The following VWA5B1 variants were observed in gnomAD, a reference collection of about 807,000 sequenced individuals.
VWA5B1 encodes von Willebrand factor A domain-containing protein 5B1.
In VWA5B1, 115 loss-of-function variants were observed where a neutral mutation model predicts 118.2. The ratio of observed to expected loss-of-function variants is 0.97; its 90% CI spans 0.84 to 1.14. The LOEUF is 1.14. Ranked by LOEUF, VWA5B1 falls within the 50% of genes most tolerant of loss-of-function variation. The probability of loss-of-function intolerance (pLI) is 0.00; values close to 1 mark genes in which losing one functional copy is unlikely to be tolerated. For synonymous variants in VWA5B1, 682 were observed against 658.4 expected (o/e 1.04, Z -0.55); for missense variants, 1,596 against 1,603.8 (o/e 1.00, Z 0.08).
At chr1:20,320,917 G>A (rs1446694651) in intron 7 of VWA5B1, among the ~76,000 whole-genome samples, 3 of 152,120 alleles carry the variant, frequency 2.0e-5, no homozygotes, top group Non-Finnish European at 4.4e-5. Context: ...CTCTGGTGGA[G>A]CGGCTTCACG....
chr1:20,345,535 G>A lies in VWA5B1; in HGVS notation c.2706G>A (p.Val902=), dbSNP rs967277276. 2.6e-6 allele frequency: 4 copies of A among 1,551,106 alleles called. No individual in the cohort carries two copies. The highest frequency in any genetic ancestry group is 2.7e-5 in the African/African-American group (2 of 73,056). The part of the protein sequence containing the change: ...CNIISKYTAF[V]PVDVSKSRYL... ...TCATTAGCAAATACACAGCCTTCGTGCCTGTGGACGTGAGCAAGAGCCGGT... is the reference window on the plus strand; with the variant it reads ...TCATTAGCAAATACACAGCCTTCGTACCTGTGGACGTGAGCAAGAGCCGGT... The change falls in exon 17 of 22, where the codon GTG becomes GTA. Residue 902 remains valine (V), a synonymous_variant. Transcript: ENST00000289815.
At position 20,354,308 on chromosome 1, in the gene VWA5B1, G is replaced by T. The variant is rs1268014721; in HGVS notation, c.*45G>T. The stretch of plus-strand genomic sequence containing the variant: ...GGTGGAGGGAAGGGTGGGGAGGAGA[G>T]GGATGGGCAGGGCCATGTCGGCCTG... On this transcript the variant is annotated 3_prime_UTR_variant, in exon 22 of 22. Transcript: ENST00000289815. 6.8e-7 allele frequency: 1 copy of T among 1,464,658 alleles called. No individual in the cohort carries two copies. The highest frequency in any genetic ancestry group is 1.3e-5 in the South Asian group (1 of 74,288). 90.7% of individuals were successfully genotyped at this position (1,464,658 alleles called of 1,614,324 possible).
intron 2 of VWA5B1, 148 bp from the exon 3 acceptor site, chr1:20,312,688 G>A: frequency 8.7e-7 from 1 of 1,151,186 alleles, no homozygotes; most frequent in East Asian, 2.9e-5. Context: ...GGAGGTCCCA[G>A]TCTGGCTCTC....
chr1:20,335,569 A>G (rs2089689620), intron 12 of VWA5B1, among the ~76,000 whole-genome samples: 1 of 152,224 alleles, frequency 6.6e-6, no homozygotes, highest in Admixed American at 6.5e-5. Context: ...CTAATAGGCT[A>G]CTGTTGACTG....
chr1:20,344,602 G>T (rs1272569786), intron 16 of VWA5B1, among the ~76,000 whole-genome samples: 1 of 152,144 alleles, frequency 6.6e-6, no homozygotes, highest in Admixed American at 6.5e-5. Context: ...CGGTGGGGGA[G>T]CTAATTTAGT....
intron 3 of VWA5B1, 116 bp downstream of exon 3, chr1:20,313,104 C>A: frequency 7.5e-7 from 1 of 1,338,490 alleles, no homozygotes; most frequent in Non-Finnish European, 1.0e-6. Flanking sequence ...AGAAAGAGCA[C>A]TGAACTAGTC....
At chr1:20,315,879 G>A (rs954901278) in intron 4 of VWA5B1, among the ~76,000 whole-genome samples, 3 of 152,248 alleles carry the variant, frequency 2.0e-5, no homozygotes, top group Admixed American at 2.0e-4. Context: ...TGTTGTCTTT[G>A]TAAGTGTTGC....
intron 12 of VWA5B1, among the ~76,000 whole-genome samples, chr1:20,334,489 C>T (rs536112616): frequency 9.2e-5 from 14 of 152,284 alleles, no homozygotes; most frequent in African/African-American, 3.4e-4. Flanking sequence ...CGCAGCCCTC[C>T]TGGGAAGCAA....
intron 10 of VWA5B1, 104 bp from the exon 11 acceptor site, chr1:20,330,765 C>A: frequency 8.5e-7 from 1 of 1,174,708 alleles, no homozygotes; most frequent in Non-Finnish European, 1.2e-6. Context: ...AATATAGGGC[C>A]AGCTCCAAGA....
At position 20,314,523 on chromosome 1, in the gene VWA5B1, C is replaced by A; in HGVS notation, c.494C>A (p.Ala165Asp). 6.4e-7 allele frequency: 1 copy of A among 1,551,750 alleles called. No individual in the cohort carries two copies. The highest frequency in any genetic ancestry group is 8.7e-7 in the Non-Finnish European group (1 of 1,147,008). The change falls in exon 4 of 22, where the codon GCT (alanine) becomes GAT (aspartate). Residue 165 changes from alanine to aspartate, a missense_variant. Transcript: ENST00000289815. ...PSGAVRVLLP[A>D]VCAPTVPQFC... is the part of the protein sequence containing the mutation. Reference sequence around the variant, plus strand: ...GGGGCTGTGAGGGTCCTTCTGCCTGCTGTCTGTGCCCCAACCGTGCCCCAG... The same window carrying A: ...GGGGCTGTGAGGGTCCTTCTGCCTGATGTCTGTGCCCCAACCGTGCCCCAG...
chr1:20,306,083 G>A (rs919296043), intron 1 of VWA5B1, among the ~76,000 whole-genome samples: 1 of 152,080 alleles, frequency 6.6e-6, no homozygotes, highest in Non-Finnish European at 1.5e-5. Flanking sequence ...AGCAATAAAT[G>A]CAATGTTTTC....
intron 21 of VWA5B1, 141 bp from the exon 22 acceptor site, chr1:20,353,616 A>T: frequency 9.2e-7 from 1 of 1,088,182 alleles, no homozygotes; most frequent in Non-Finnish European, 1.3e-6. Flanking sequence ...AAGGATAGAG[A>T]TGCTCAATTG....
At chr1:20,299,311 G>A (rs923504713) in intron 1 of VWA5B1, among the ~76,000 whole-genome samples, 1 of 152,138 alleles carries the variant, frequency 6.6e-6, no homozygotes, top group Non-Finnish European at 1.5e-5. Flanking sequence ...TACCAACCTT[G>A]CCTGAGGTTT....
intron 11 of VWA5B1, 23 bp downstream of exon 11, chr1:20,331,006 T>A: frequency 6.6e-7 from 1 of 1,520,472 alleles, no homozygotes; most frequent in South Asian, 1.3e-5. Context: ...ACCCACGCAG[T>A]CCCTTCTGGT....
intron 14 of VWA5B1, 54 bp downstream of exon 14, chr1:20,337,890 G>A (rs1188008636): frequency 1.9e-6 from 3 of 1,546,032 alleles, no homozygotes; most frequent in Admixed American, 2.0e-5. Flanking sequence ...AGGCAGGGGA[G>A]AGCTGTGTCC....
chr1:20,331,573 C>G (rs1182967531), intron 11 of VWA5B1, among the ~76,000 whole-genome samples: 2 of 152,164 alleles, frequency 1.3e-5, no homozygotes, highest in African/African-American at 4.8e-5. Flanking sequence ...AAAATGGGAG[C>G]AGAATTGGGC....
intron 1 of VWA5B1, among the ~76,000 whole-genome samples, chr1:20,308,776 G>A (rs954127626): frequency 6.6e-6 from 1 of 152,194 alleles, no homozygotes; most frequent in Admixed American, 6.5e-5. Flanking sequence ...TGGCCTGGCG[G>A]GGTGCCGGGG....
At chr1:20,292,425 C>T (rs12088703) in intron 1 of VWA5B1, among the ~76,000 whole-genome samples, 2,272 of 152,140 alleles carry the variant, frequency 0.015, 56 homozygotes, top group African/African-American at 0.051. Flanking sequence ...CATGTGTGTG[C>T]GTGTGATGCA....
At position 20,310,652 on chromosome 1, in the gene VWA5B1, G is replaced by C; in HGVS notation, c.51G>C (p.Ala17=). The change falls in exon 2 of 22, where the codon GCG becomes GCC. Residue 17 remains alanine, a synonymous_variant. Transcript: ENST00000289815. ...WITGAALPLT[A]SDVTSCVSGY... is the part of the protein sequence containing the mutation. ...CGGGGGCAGCCCTGCCCCTCACCGC[G>C]TCTGATGTTACCTCCTGTGTCAGCG... 6.4e-7 allele frequency: 1 copy of C among 1,550,900 alleles called. No individual in the cohort carries two copies.
Sources: allele counts gnomAD v4.1 joint callset (sites outside exome capture counted in the v4.1 genomes callset), GRCh38; gene constraint gnomAD v4.1.1; transcripts MANE v1.5; gene names NCBI Gene and HGNC (gene_info 2026-07-23, HGNC 2026-07-21).